Variants in DMBT1 observed in about 807,000 individuals in gnomAD.
DMBT1 encodes the protein scavenger receptor cysteine-rich domain-containing protein DMBT1.
Under a neutral mutation model 252.9 loss-of-function variants are expected in DMBT1, and 198 were observed. The ratio of observed to expected loss-of-function variants is 0.78; its 90% CI spans 0.70 to 0.88. The LOEUF (loss-of-function observed/expected upper bound fraction) is 0.88, where lower values mean the gene tolerates loss of function less well. DMBT1 is among the 40% of genes least tolerant of loss of function. The pLI is 0.00. For missense variants in DMBT1, 2,432 were observed against 2,404.7 expected, an observed-to-expected ratio of 1.01 and a Z score of -0.24; for synonymous variants, 990 against 942.7, an observed-to-expected ratio of 1.05 and a Z score of -0.92.
rs370145135 is a variant in DMBT1 at position 122,633,293 on chromosome 10, T to C, written c.6500T>C (p.Ile2167Thr). 2.6e-5 allele frequency: 42 copies of C among 1,613,868 alleles called. No individual in the cohort carries two copies. In the African/African-American group the frequency reaches 4.9e-4, roughly 19 times the overall value. ...YPNNAKCVWD[I>T]EVQNNYRVTV... ...AACAATGCCAAGTGTGTGTGGGACATTGAGGTGCAAAACAACTACCGTGTG... is the reference window on the plus strand; with the variant it reads ...AACAATGCCAAGTGTGTGTGGGACACTGAGGTGCAAAACAACTACCGTGTG... Residue 2167 changes from isoleucine (I) to threonine (T), a missense_variant, in exon 52 of 56, where the codon ATT becomes ACT. By Grantham distance (89) the Ile-to-Thr change is moderately conservative. This residue lies in a region of DMBT1 where 1,162 missense variants were observed against 1,169.0 expected (regional missense o/e 0.99). Transcript: ENST00000338354.
intron 17 of DMBT1, among the ~76,000 whole-genome samples, chr10:122,589,511 C>CA (rs1309374615): frequency 6.8e-6 from 1 of 148,046 alleles, no homozygotes; most frequent in African/African-American, 2.4e-5. Flanking sequence ...CAAGGCAGCG[C>CA]AAGCAGAGGG....
chr10:122,597,204 G>A (rs573072887), intron 24 of DMBT1, 150 bp downstream of exon 24: 160 of 529,340 alleles, frequency 3.0e-4, no homozygotes, highest in East Asian at 2.7e-3. Context: ...CTGGAATGGC[G>A]CTTCTGAACC....
intron 1 of DMBT1, among the ~76,000 whole-genome samples, chr10:122,563,475 G>T (rs978813764): frequency 1.3e-5 from 2 of 151,948 alleles, no homozygotes; most frequent in African/African-American, 4.8e-5. Context: ...TAGTAGGAAG[G>T]TACCAGTGTT....
chr10:122,565,848 C>A, intron 1 of DMBT1, 119 bp from the exon 2 acceptor site: 1 of 959,292 alleles, frequency 1.0e-6, no homozygotes, highest in East Asian at 2.6e-5. Context: ...CACACAAACC[C>A]AAGATTGAGC....
chr10:122,588,059 A>C (rs1042107119), intron 16 of DMBT1, among the ~76,000 whole-genome samples: 5 of 148,300 alleles, frequency 3.4e-5, no homozygotes, highest in African/African-American at 1.2e-4. Context: ...CTATCTGGAG[A>C]CTTTTCCTTT....
chr10:122,584,759 T>C lies in DMBT1; in HGVS notation c.1420+408T>C, dbSNP rs927771258. ...TGGCTGCCGCCATGGGCAAGCAATG[T>C]CAGTGCAGGCCTGACACCTCCCTTC... On this transcript the variant is annotated intron_variant, in intron 14 of 55. Coordinates refer to ENST00000338354, the MANE Select transcript of DMBT1 (RefSeq NM_001377530.1). 2.3e-4 allele frequency among the ~76,000 whole-genome samples: 34 copies of C among 149,176 alleles called. 6 individuals carry two copies. The highest frequency in any genetic ancestry group is 4.0e-4 in the Non-Finnish European group (27 of 66,900).
intron 1 of DMBT1, among the ~76,000 whole-genome samples, chr10:122,562,691 T>C (rs1470430882): frequency 6.6e-6 from 1 of 152,182 alleles, no homozygotes; most frequent in African/African-American, 2.4e-5. Flanking sequence ...ATTGAGGACA[T>C]TTGTAGTTTG....
In DMBT1 at chr10:122,625,952, T is replaced by C. The variant is rs200090300; in HGVS notation, c.5655T>C (p.Thr1885=). The C allele has an allele frequency of 3.2e-5, 52 of 1,611,656 alleles. No homozygotes were observed. The highest frequency in any genetic ancestry group is 4.2e-5 in the Non-Finnish European group (49 of 1,177,798). ...STTTDWWHPT[T]TTTARPSSNC... ...TTCTAGATTGGTGGCATCCAACAACTACAACCACTGCAAGTAGGTATCACA... is the reference window on the plus strand; with the variant it reads ...TTCTAGATTGGTGGCATCCAACAACCACAACCACTGCAAGTAGGTATCACA... Residue 1885 remains threonine (T), a synonymous_variant, in exon 46 of 56, where the codon ACT becomes ACC. Transcript: ENST00000338354.
At chr10:122,597,820 C>T (rs1192540500) in intron 24 of DMBT1, among the ~76,000 whole-genome samples, 154 bp from the exon 25 acceptor site, 1 of 152,150 alleles carries the variant, frequency 6.6e-6, no homozygotes, top group East Asian at 1.9e-4. Flanking sequence ...GCTGAGCTTG[C>T]TGAGCTGCAG....
intron 4 of DMBT1, 93 bp from the exon 5 acceptor site, chr10:122,572,221 T>A: frequency 1.3e-6 from 2 of 1,555,468 alleles, no homozygotes; most frequent in Non-Finnish European, 1.8e-6. Context: ...GACCTGTGTT[T>A]CCAGCCCTTG....
chr10:122,621,016 CAT>C, intron 43 of DMBT1, 39 bp from the exon 44 acceptor site: 1 of 1,611,040 alleles, frequency 6.2e-7, no homozygotes, highest in Non-Finnish European at 8.5e-7. Context: ...TCCTTGACCT[CAT>C]AATCAGTATG....
chr10:122,618,156 G>C lies in DMBT1; in HGVS notation c.5031G>C (p.Arg1677Ser), dbSNP rs1248319604. 1 of 1,613,982 alleles carries C rather than the reference G, an allele frequency of 6.2e-7. No homozygotes were observed. Among genetic ancestry groups the C allele is most frequent in the Admixed American group, 1.7e-5 (1 of 60,022 alleles). The change falls in exon 41 of 56, where the codon AGG becomes AGC. Residue 1677 changes from arginine (R) to serine (S), a missense_variant. This residue lies in a region of DMBT1 where 1,162 missense variants were observed against 1,169.0 expected (regional missense o/e 0.99). Transcript: ENST00000338354. ...WDTNDANVVC[R>S]QLGCGWAMSA... ...CCAATGATGCCAACGTGGTCTGCAG[G>C]CAGCTGGGCTGTGGCTGGGCCATGT...
intron 27 of DMBT1, among the ~76,000 whole-genome samples, chr10:122,600,431 T>A (rs556308934): frequency 1.6e-4 from 25 of 152,336 alleles, no homozygotes; most frequent in East Asian, 5.8e-4. Context: ...CTGAAAATTG[T>A]GAGTGTCACC....
chr10:122,574,628 A>C (rs1279701906), intron 6 of DMBT1, among the ~76,000 whole-genome samples: 1 of 152,180 alleles, frequency 6.6e-6, no homozygotes, highest in African/African-American at 2.4e-5. Context: ...TGACTTAGCC[A>C]TGTCCCTTCG....
rs1246975897 is a variant in DMBT1 at position 122,576,657 on chromosome 10, GC to G, written c.547del (p.His183ThrfsTer52). On this transcript the variant is annotated frameshift_variant, in exon 7 of 56. Coordinates refer to ENST00000338354, the MANE Select transcript of DMBT1 (RefSeq NM_001377530.1). LOFTEE classifies it high-confidence loss of function. ...CSGHESYLWSCPHNGWLSHNC... is the reference protein window; with the variant it reads ...CSGHESYLWSXPHNGWLSHNC... ...GGACACGAATCCTACCTGTGGAGCTGCCCCCACAATGGCTGGCTCTCCCATA... is the reference window on the plus strand; with the variant it reads ...GGACACGAATCCTACCTGTGGAGCTGCCCCACAATGGCTGGCTCTCCCATA... 1 of 1,613,664 alleles carries G rather than the reference GC, an allele frequency of 6.2e-7. No homozygotes were observed. Among genetic ancestry groups the G allele is most frequent in the Non-Finnish European group, 8.5e-7 (1 of 1,179,734 alleles).
rs1480846472 is a variant in DMBT1, at chr10:122,626,081, C to T, written c.5668+116C>T. The T allele has an allele frequency of 9.7e-6, 8 of 825,652 alleles. No individual in the cohort carries two copies. The East Asian group carries it at 1.9e-4, about 20-fold the overall frequency. The allele number at this position is 825,652 out of a possible 1,614,324, so 51.1% of individuals were successfully genotyped here. A position where few individuals can be genotyped will look rare whatever the true frequency, so the allele number is the denominator to read the frequency against. Reference sequence around the variant, plus strand: ...AGCCTTCCTCAATCTGCACATAGCCCTGGCCTGTCCCACTATACCCTTCAC... The same window carrying T: ...AGCCTTCCTCAATCTGCACATAGCCTTGGCCTGTCCCACTATACCCTTCAC... On this transcript the variant is annotated intron_variant, in intron 46 of 55. Transcript: ENST00000338354.
At position 122,593,092 on chromosome 10, in the gene DMBT1, G is replaced by A. The variant is rs192894282; in HGVS notation, c.2501-477G>A. Among the ~76,000 whole-genome samples, 51 of 148,974 alleles carry A rather than the reference G, an allele frequency of 3.4e-4. 3 individuals carry two copies. Among genetic ancestry groups the A allele is most frequent in the Middle Eastern group, 6.8e-3 (2 of 294 alleles). On this transcript the variant is annotated intron_variant, in intron 20 of 55. Coordinates refer to ENST00000338354, the MANE Select transcript of DMBT1 (RefSeq NM_001377530.1). The stretch of plus-strand genomic sequence containing the variant: ...TGGGTGTCTGGTTCTATCAGGCCTG[G>A]GTTGTGTGAGGTTGGAGTCCTTGAC...
At chr10:122,629,344 G>T (rs1419700918) in intron 46 of DMBT1, among the ~76,000 whole-genome samples, 1 of 152,214 alleles carries the variant, frequency 6.6e-6, no homozygotes, top group Non-Finnish European at 1.5e-5. Context: ...GAGCCAAGAT[G>T]CAAACCCAGG....
chr10:122,580,524 G>A (rs1246545341), intron 10 of DMBT1, among the ~76,000 whole-genome samples: 4 of 152,164 alleles, frequency 2.6e-5, no homozygotes, highest in Admixed American at 2.6e-4. Context: ...CTGTGATTGG[G>A]GCTTGAAGAT....
Sources: allele counts gnomAD v4.1 joint callset (sites outside exome capture counted in the v4.1 genomes callset), GRCh38; gene constraint gnomAD v4.1.1; regional missense constraint gnomAD v4.1.1; transcripts MANE v1.5; gene names NCBI Gene and HGNC (gene_info 2026-07-23, HGNC 2026-07-21).